Variants in NLRP13 observed in about 807,000 individuals in gnomAD.
NLRP13 encodes the protein NLR family pyrin domain containing 13, also known as NACHT, LRR and PYD domains-containing protein 13.
A neutral mutation model predicts 94.4 loss-of-function variants in NLRP13; 82 were observed. The ratio of observed to expected loss-of-function variants is 0.87; its 90% CI spans 0.73 to 1.04. NLRP13 has a LOEUF of 1.04. NLRP13 is among the 50% of genes least tolerant of loss of function. The probability of loss-of-function intolerance (pLI) is 0.00; values close to 1 mark genes in which losing one functional copy is unlikely to be tolerated. For synonymous variants in NLRP13, 553 were observed against 464.7 expected, an observed-to-expected ratio of 1.19 and a Z score of -2.45; for missense variants, 1,426 against 1,230.8, an observed-to-expected ratio of 1.16 and a Z score of -2.37.
intron 1 of NLRP13, among the ~76,000 whole-genome samples, chr19:55,926,218 A>ATCT (rs1347212922): frequency 1.3e-5 from 2 of 152,168 alleles, no homozygotes; most frequent in East Asian, 3.9e-4. Flanking sequence ...CACCATCTGG[A>ATCT]TCTTCATAGA....
At chr19:55,895,796 C>T, downstream of NLRP13, 1 of 792,214 alleles carries the variant, frequency 1.3e-6, no homozygotes, top group Non-Finnish European at 2.0e-6. Context: ...GTGCACAGCA[C>T]AGAGATCACT....
chr19:55,911,373 G>A (rs913781557), intron 5 of NLRP13, among the ~76,000 whole-genome samples: 2 of 152,162 alleles, frequency 1.3e-5, no homozygotes, highest in Non-Finnish European at 2.9e-5. Flanking sequence ...TGGGACCACA[G>A]GTGTGTGCCA....
At position 55,917,607 on chromosome 19, in the gene NLRP13, A is replaced by G. The variant is rs567573832; in HGVS notation, c.524-4314T>C. On this transcript the variant is annotated intron_variant, in intron 4 of 10. Transcript: ENST00000342929. Reference sequence around the variant, plus strand: ...CCACTTTTCCCCCTTTGCTTCACAAAAAGCAAACTGGAGTAGCTATACTTA... The same window carrying G: ...CCACTTTTCCCCCTTTGCTTCACAAGAAGCAAACTGGAGTAGCTATACTTA... 5.9e-5 allele frequency among the ~76,000 whole-genome samples: 9 copies of G among 152,212 alleles called. No homozygotes were observed. The South Asian group carries it at 6.2e-4, about 11-fold the overall frequency.
At chr19:55,916,606 G>A (rs1388103297) in intron 4 of NLRP13, among the ~76,000 whole-genome samples, 2 of 152,210 alleles carry the variant, frequency 1.3e-5, no homozygotes, top group African/African-American at 2.4e-5. Flanking sequence ...CAACAGATTA[G>A]ACAAAGAAGA....
chr19:55,908,078 G>T, intron 6 of NLRP13, 122 bp from the exon 7 acceptor site: 1 of 838,186 alleles, frequency 1.2e-6, no homozygotes, highest in Non-Finnish European at 1.8e-6. Context: ...GGTACACAAG[G>T]AATTAAAAAC....
At chr19:55,919,058 C>T (rs1261849420) in intron 4 of NLRP13, among the ~76,000 whole-genome samples, 6 of 151,954 alleles carry the variant, frequency 3.9e-5, no homozygotes, top group South Asian at 2.1e-4. Flanking sequence ...AATACAAGGA[C>T]GGTTCAACAC....
chr19:55,920,558 C>A (rs942499696), intron 4 of NLRP13, among the ~76,000 whole-genome samples: 1 of 151,998 alleles, frequency 6.6e-6, no homozygotes, highest in African/African-American at 2.4e-5. Flanking sequence ...AAAAAATGCT[C>A]ATTATCACTA....
At chr19:55,906,964 TTA>T (rs1404570883) in intron 7 of NLRP13, among the ~76,000 whole-genome samples, 1 of 66,094 alleles carries the variant, frequency 1.5e-5, no homozygotes, top group Non-Finnish European at 2.9e-5. Context: ...ATCTGTATTA[TTA>T]TTTTTTTTTT....
At chr19:55,893,339 G>T (rs577051488), downstream of NLRP13, among the ~76,000 whole-genome samples, 35 of 151,838 alleles carry the variant, frequency 2.3e-4, no homozygotes, top group Non-Finnish European at 1.5e-5. Context: ...GGTGAGCCGA[G>T]ATCACGCCAT....
downstream of NLRP13, among the ~76,000 whole-genome samples, chr19:55,895,634 G>T (rs1034053822): frequency 1.3e-5 from 2 of 152,160 alleles, no homozygotes; most frequent in African/African-American, 4.8e-5. Flanking sequence ...AGTGAATCAA[G>T]ATGACACAAC....
At chr19:55,917,106 G>A (rs1986693481) in intron 4 of NLRP13, among the ~76,000 whole-genome samples, 1 of 152,054 alleles carries the variant, frequency 6.6e-6, no homozygotes, top group Non-Finnish European at 1.5e-5. Context: ...CCCAAGTTTT[G>A]TATCCTTCTA....
intron 1 of NLRP13, among the ~76,000 whole-genome samples, chr19:55,927,736 C>A (rs1395364310): frequency 4.6e-5 from 7 of 152,148 alleles, no homozygotes; most frequent in East Asian, 1.9e-4. Context: ...GCCTTCTAAG[C>A]ATTTCACTCT....
intron 10 of NLRP13, among the ~76,000 whole-genome samples, chr19:55,896,738 G>C (rs1398495110): frequency 1.4e-5 from 2 of 145,130 alleles, no homozygotes; most frequent in African/African-American, 5.1e-5. Flanking sequence ...GGAATTGCTT[G>C]AGCCCACGGG....
chr19:55,903,136 A>G (rs867220112), intron 8 of NLRP13, among the ~76,000 whole-genome samples: 2 of 152,076 alleles, frequency 1.3e-5, no homozygotes, highest in Non-Finnish European at 2.9e-5. Context: ...TGTAATACTA[A>G]TTATAATTAG....
At position 55,904,977 on chromosome 19, in the gene NLRP13, G is replaced by A; in HGVS notation, c.2583C>T (p.Ala861=). 1.9e-6 allele frequency: 3 copies of A among 1,613,906 alleles called. No individual in the cohort carries two copies. Among genetic ancestry groups the A allele is most frequent in the South Asian group, 1.1e-5 (1 of 91,070 alleles). ...QDDGIKLLCA[A]LTHPKCALER... ...CTAAGGCACACTTGGGGTGAGTCAG[G>A]GCCGCACACAATAGCTTTATGCCAT... The change falls in exon 8 of 11, where the codon GCC becomes GCT. Residue 861 remains alanine (A), a synonymous_variant. Coordinates refer to ENST00000342929, the MANE Select transcript of NLRP13 (RefSeq NM_176810.2).
intron 8 of NLRP13, among the ~76,000 whole-genome samples, chr19:55,902,952 C>CTT (rs1986230666): frequency 3.6e-5 from 5 of 139,718 alleles, no homozygotes; most frequent in African/African-American, 1.3e-4. Flanking sequence ...ATTATAACAA[C>CTT]TAATTGTTAT....
Position 55,923,911 on chromosome 19 carries a change from C to T in NLRP13, c.523+3G>A. On this transcript the variant is annotated splice_donor_region_variant and intron_variant, in intron 4 of 10. Coordinates refer to ENST00000342929, the MANE Select transcript of NLRP13 (RefSeq NM_176810.2). ...CATTATCAACATAAAGTAGTATACA[C>T]ACCTGCTTCCTCTAGCATCTCTGGT... 6.2e-7 allele frequency: 1 copy of T among 1,612,148 alleles called. No homozygotes were observed. Among genetic ancestry groups the T allele is most frequent in the East Asian group, 2.2e-5 (1 of 44,860 alleles).
intron 4 of NLRP13, among the ~76,000 whole-genome samples, chr19:55,917,390 T>C (rs184421420): frequency 2.6e-5 from 4 of 152,070 alleles, no homozygotes; most frequent in Non-Finnish European, 5.9e-5. Context: ...GCAAAGCAAA[T>C]GGAAATCAAC....
chr19:55,892,458 G>T (rs1478278247), downstream of NLRP13, among the ~76,000 whole-genome samples: 2 of 152,014 alleles, frequency 1.3e-5, no homozygotes, highest in Non-Finnish European at 1.5e-5. Context: ...GTGTCACTTT[G>T]TCACCCAGGC....
Sources: allele counts gnomAD v4.1 joint callset (sites outside exome capture counted in the v4.1 genomes callset), GRCh38; gene constraint gnomAD v4.1.1; transcripts MANE v1.5; gene names NCBI Gene and HGNC (gene_info 2026-07-23, HGNC 2026-07-21).